Variants in CEP85 observed in about 807,000 individuals in gnomAD.
CEP85 encodes centrosomal protein 85, also known as centrosomal protein of 85 kDa.
A neutral mutation model predicts 93.7 loss-of-function variants in CEP85; 58 were observed. That is an observed-to-expected ratio of 0.62 (90% confidence interval 0.50 to 0.77). The LOEUF (loss-of-function observed/expected upper bound fraction) is 0.77. Ranked by LOEUF, CEP85 falls within the 30% of genes least tolerant of loss-of-function variation. CEP85 has a pLI of 0.00. For synonymous variants in CEP85, 314 were observed against 338.6 expected (o/e 0.93, Z 0.80); for missense variants, 868 against 922.0 (o/e 0.94, Z 0.76).
At chr1:26,257,571 C>T (rs1450360639) in intron 4 of CEP85, 26 bp from the exon 5 acceptor site, 1 of 1,612,850 alleles carries the variant, frequency 6.2e-7, no homozygotes, top group African/African-American at 1.3e-5. Flanking sequence ...CAAGATCAAG[C>T]TCATCTGGGC....
At chr1:26,236,243 G>A (rs2089324725) in intron 1 of CEP85, among the ~76,000 whole-genome samples, 1 of 152,198 alleles carries the variant, frequency 6.6e-6, no homozygotes, top group African/African-American at 2.4e-5. Context: ...TAGGGTTGAT[G>A]TGAACATGAA....
Position 26,255,701 on chromosome 1 carries a change from G to T in CEP85, c.739G>T (p.Val247Phe), listed in dbSNP as rs2089687805. Residue 247 changes from valine (V) to phenylalanine (F), a missense_variant, in exon 4 of 14, where the codon GTC (valine) becomes TTC (phenylalanine). Transcript: ENST00000451429. ...RNGPHSNSSG[V>F]LPLGLQPAPG... ...TGGACCACATTCTAATAGCAGTGGG[G>T]TCCTCCCTTTGGGACTCCAGCCTGC... The T allele has an allele frequency of 1.2e-6, 2 of 1,614,162 alleles. No individual in the cohort carries two copies. The highest frequency in any genetic ancestry group is 1.7e-6 in the Non-Finnish European group (2 of 1,180,036).
chr1:26,257,509 T>TGG (rs1182225453), intron 4 of CEP85, 88 bp from the exon 5 acceptor site: 2 of 1,504,266 alleles, frequency 1.3e-6, no homozygotes, highest in Non-Finnish European at 1.8e-6. Context: ...AGTTGGGCTT[T>TGG]GACTACAGAC....
At chr1:26,269,782 CTTTTTTTTTT>C (rs748230113) in intron 9 of CEP85, among the ~76,000 whole-genome samples, 168 bp downstream of exon 9, 2 of 84,710 alleles carry the variant, frequency 2.4e-5, no homozygotes, top group African/African-American at 4.6e-5. Flanking sequence ...TGGGAAGCGG[CTTTTTTTTTT>C]TTTTTTTTTT....
intron 2 of CEP85, among the ~76,000 whole-genome samples, chr1:26,241,243 A>ATTTTTTTTTTTTTTTTTTTTT (rs1433524136): frequency 1.6e-5 from 1 of 61,814 alleles, no homozygotes; most frequent in African/African-American, 6.1e-5. Flanking sequence ...CATTCAGCAG[A>ATTTTTTTTTTTTTTTTTTTTT]ATTTTTTTTT....
chr1:26,245,606 T>G (rs182776556), intron 3 of CEP85, among the ~76,000 whole-genome samples: 2 of 152,312 alleles, frequency 1.3e-5, no homozygotes, highest in East Asian at 1.9e-4. Flanking sequence ...CCGTTTAGAT[T>G]GGTGAGTTCT....
intron 11 of CEP85, chr1:26,272,400 AT>A (rs2089988411): frequency 6.5e-6 from 2 of 309,006 alleles, no homozygotes; most frequent in African/African-American, 4.2e-5. Context: ...GCTGGATAGG[AT>A]GTGTTGGATT....
chr1:26,260,794 C>CTT (rs200013295), intron 7 of CEP85, among the ~76,000 whole-genome samples: 8 of 141,428 alleles, frequency 5.7e-5, no homozygotes, highest in African/African-American at 1.5e-4. Flanking sequence ...TCCTGCCTTT[C>CTT]TTTTTTTTTT....
chr1:26,246,251 C>T (rs2089507385), intron 3 of CEP85, among the ~76,000 whole-genome samples: 1 of 152,034 alleles, frequency 6.6e-6, no homozygotes, highest in Non-Finnish European at 1.5e-5. Flanking sequence ...TAGATATATA[C>T]CCAGGAGAAA....
intron 1 of CEP85, among the ~76,000 whole-genome samples, chr1:26,237,283 C>A (rs2089341016): frequency 6.6e-6 from 1 of 152,110 alleles, no homozygotes; most frequent in Non-Finnish European, 1.5e-5. Context: ...CAAGGTTGTG[C>A]AGTCAGTCAC....
rs1263386110 is a variant in CEP85, at chr1:26,255,698, G to A, written c.736G>A (p.Gly246Arg). 1.2e-6 allele frequency: 2 copies of A among 1,614,012 alleles called. No individual in the cohort carries two copies. The highest frequency in any genetic ancestry group is 2.7e-5 in the African/African-American group (2 of 74,906). The change falls in exon 4 of 14, where the codon GGG (glycine) becomes AGG (arginine). Residue 246 changes from glycine to arginine, a missense_variant. Coordinates refer to ENST00000451429, the MANE Select transcript of CEP85 (RefSeq NM_001319944.2). Reference protein sequence around the residue: ...ERNGPHSNSSGVLPLGLQPAP... With the variant: ...ERNGPHSNSSRVLPLGLQPAP... ...GAATGGACCACATTCTAATAGCAGT[G>A]GGGTCCTCCCTTTGGGACTCCAGCC...
At chr1:26,239,671 A>G (rs1028597150) in intron 1 of CEP85, 91 bp from the exon 2 acceptor site, 3 of 820,006 alleles carry the variant, frequency 3.7e-6, no homozygotes, top group Non-Finnish European at 6.3e-6. Flanking sequence ...AATATTCTAT[A>G]TGGTTTTGAC....
In CEP85 at chr1:26,277,384, C is replaced by T; in HGVS notation, c.*91C>T. On this transcript the variant is annotated 3_prime_UTR_variant, in exon 14 of 14. Transcript: ENST00000451429. ...CCCTGACATTCTCTTGTCTGCTATT[C>T]CCAGAGAGGTCTCAGAGGGGAGGGG... The T allele has an allele frequency of 7.6e-7, 1 of 1,316,814 alleles. No individual in the cohort carries two copies. The highest frequency in any genetic ancestry group is 1.1e-6 in the Non-Finnish European group (1 of 942,338). The allele number at this position is 1,316,814 out of a possible 1,614,324, so 81.6% of individuals were successfully genotyped here. A position where few individuals can be genotyped will look rare whatever the true frequency, so the allele number is the denominator to read the frequency against.
intron 10 of CEP85, 188 bp from the exon 11 acceptor site, chr1:26,271,832 CT>C (rs2089979439): frequency 1.6e-6 from 1 of 612,220 alleles, no homozygotes; most frequent in Admixed American, 2.8e-5. Context: ...TGGAGCACAA[CT>C]GTGAAGCTAG....
In CEP85 at chr1:26,272,650, CAG is replaced by C. The variant is rs1352604107; in HGVS notation, c.1794+582_1794+583del. ...TTTTTTTTTTTTTTTTTTTTGGAGA[CAG>C]AGTCTCGCTCTTGTCGCCCAGGCTG... On this transcript the variant is annotated intron_variant, in intron 11 of 13. Transcript: ENST00000451429. Among the ~76,000 whole-genome samples, 82 of 97,000 alleles carry C rather than the reference CAG, an allele frequency of 8.5e-4. 1 individual carries two copies. The highest frequency in any genetic ancestry group is 0.011 in the Middle Eastern group (1 of 94). The allele number at this position is 97,000 out of a possible 152,430, so 63.6% of individuals were successfully genotyped here. A position where few individuals can be genotyped will look rare whatever the true frequency, so the allele number is the denominator to read the frequency against.
At chr1:26,250,936 T>A (rs879614061) in intron 3 of CEP85, among the ~76,000 whole-genome samples, 1 of 81,404 alleles carries the variant, frequency 1.2e-5, no homozygotes, top group South Asian at 5.8e-4. Flanking sequence ...TTTTTTCTTT[T>A]TTTTTTTTTT....
Position 26,271,064 on chromosome 1 carries a change from T to C in CEP85, c.1700T>C (p.Val567Ala), listed in dbSNP as rs1417774733. The change falls in exon 10 of 14, where the codon GTG becomes GCG. Residue 567 changes from valine to alanine, a missense_variant. Coordinates refer to ENST00000451429, the MANE Select transcript of CEP85 (RefSeq NM_001319944.2). ...VEETSGEGPE[V>A]EMESWQKRYD... ...GAGACCAGTGGAGAAGGTCCAGAAG[T>C]GGAAATGGAGTCCTGGCAGAAGCGA... 1 of 1,613,638 alleles carries C rather than the reference T, an allele frequency of 6.2e-7. No homozygotes were observed. The highest frequency in any genetic ancestry group is 2.2e-5 in the East Asian group (1 of 44,870).
At chr1:26,258,295 T>C in intron 6 of CEP85, 35 bp downstream of exon 6, 2 of 1,390,410 alleles carry the variant, frequency 1.4e-6, no homozygotes, top group Non-Finnish European at 1.0e-6. Flanking sequence ...ATTCTGTTTG[T>C]CATAACTCGG....
chr1:26,262,104 A>G (rs1038373852), intron 7 of CEP85, among the ~76,000 whole-genome samples: 1 of 152,122 alleles, frequency 6.6e-6, no homozygotes, highest in African/African-American at 2.4e-5. Context: ...TCAGGAGATC[A>G]AGAACATCCT....
Sources: gnomAD v4.1 joint callset for allele counts (sites outside exome capture counted in the v4.1 genomes callset) on GRCh38, gnomAD v4.1.1 for gene constraint, MANE v1.5 for transcripts, NCBI Gene and HGNC (gene_info 2026-07-23, HGNC 2026-07-21) for gene names.